The following NYAP2 variants were observed in gnomAD, a reference collection of about 807,000 sequenced individuals.
NYAP2 encodes the protein neuronal tyrosine-phosphorylated phosphoinositide-3-kinase adaptor 2.
In NYAP2, 23 loss-of-function variants were observed where a neutral mutation model predicts 50.4. That is an observed-to-expected ratio of 0.46 (90% CI 0.33 to 0.65). The LOEUF (loss-of-function observed/expected upper bound fraction) is 0.65, where lower values mean the gene tolerates loss of function less well. Ranked by LOEUF, NYAP2 falls within the 30% of genes least tolerant of loss-of-function variation. The pLI, the probability that NYAP2 is intolerant of heterozygous loss-of-function variation, is 0.02. For synonymous variants in NYAP2, 394 were observed against 365.2 expected (o/e 1.08, Z -0.90); for missense variants, 885 against 861.0 (o/e 1.03, Z -0.35).
chr2:225,651,838 G>A (rs1010503687), exon 7 of NYAP2: 2 of 319,408 alleles, frequency 6.3e-6, no homozygotes, highest in Non-Finnish European at 5.7e-6. Flanking sequence ...TATATGTATT[G>A]GCTTAGTGGT....
At chr2:225,526,180 AT>A (rs1275850854) in intron 4 of NYAP2, among the ~76,000 whole-genome samples, 1 of 152,230 alleles carries the variant, frequency 6.6e-6, no homozygotes, top group African/African-American at 2.4e-5. Flanking sequence ...CAGACATCTG[AT>A]CTACAGAAGT....
intron 6 of NYAP2, 75 bp downstream of exon 6, chr2:225,627,201 A>T: frequency 9.1e-7 from 1 of 1,095,874 alleles, no homozygotes; most frequent in Non-Finnish European, 1.4e-6. Context: ...TATCACTTAC[A>T]GAATTATCAC....
intron 3 of NYAP2, among the ~76,000 whole-genome samples, chr2:225,415,100 G>A (rs1255549788): frequency 1.3e-5 from 2 of 152,098 alleles, no homozygotes; most frequent in African/African-American, 2.4e-5. Context: ...GATTAGGAAT[G>A]TCTCTGTTCC....
chr2:225,655,393 C>A (rs1186367803), downstream of NYAP2, among the ~76,000 whole-genome samples: 2 of 152,118 alleles, frequency 1.3e-5, no homozygotes, highest in African/African-American at 2.4e-5. Flanking sequence ...AATGCAGCCA[C>A]GTTTCTGCAT....
At chr2:225,594,889 G>T (rs951322607) in intron 5 of NYAP2, among the ~76,000 whole-genome samples, 2 of 152,148 alleles carry the variant, frequency 1.3e-5, no homozygotes, top group Non-Finnish European at 2.9e-5. Flanking sequence ...CTGGGCTATT[G>T]CTATTTCCAA....
chr2:225,418,502 G>C (rs894176892), intron 3 of NYAP2, among the ~76,000 whole-genome samples: 1 of 152,148 alleles, frequency 6.6e-6, no homozygotes, highest in Admixed American at 6.5e-5. Flanking sequence ...TGCTGGAATC[G>C]TAGTTACACT....
intron 4 of NYAP2, among the ~76,000 whole-genome samples, chr2:225,515,496 A>G (rs2106187035): frequency 6.6e-6 from 1 of 151,348 alleles, no homozygotes; most frequent in East Asian, 1.9e-4. Context: ...TGTGTGTATA[A>G]CTGTTATTCC....
rs1475384866 is a variant in NYAP2, at chr2:225,582,112, G to A, written c.695G>A (p.Gly232Asp). The A allele has an allele frequency of 2.5e-6, 4 of 1,614,010 alleles. No individual in the cohort carries two copies. The highest frequency in any genetic ancestry group is 1.3e-5 in the African/African-American group (1 of 75,058). Reference sequence around the variant, plus strand: ...CGGGACTCCTCCTTGTCCCAGATGGGCAGCCCCGCGGGAGACCCCGAGGAA... The same window carrying A: ...CGGGACTCCTCCTTGTCCCAGATGGACAGCCCCGCGGGAGACCCCGAGGAA... Residue 232 changes from glycine to aspartate, a missense_variant, in exon 5 of 7, where the codon GGC becomes GAC. Physicochemically the swap from Gly to Asp is moderately conservative, Grantham distance 94. Coordinates refer to ENST00000636099, the Ensembl canonical transcript of NYAP2. The surrounding 1 kb of genome is among the most constrained non-coding windows in gnomAD (Gnocchi z 7.0).
chr2:225,537,518 A>T (rs1277896539), intron 4 of NYAP2, among the ~76,000 whole-genome samples: 1 of 152,124 alleles, frequency 6.6e-6, no homozygotes, highest in African/African-American at 2.4e-5. Flanking sequence ...TCCCCCTTAT[A>T]ATAACCATCA....
rs187298749 is a variant in NYAP2 at position 225,645,963 on chromosome 2, A to G, written c.1829-5469A>G. 3.0e-3 allele frequency among the ~76,000 whole-genome samples: 462 copies of G among 152,328 alleles called. 1 individual carries two copies. The highest frequency in any genetic ancestry group is 5.1e-3 in the Non-Finnish European group (350 of 68,034). ...TCTAGAATTTTCAGGATTGCTTCAG[A>G]TAATTCTTTTGGTCAAGTTAGTTGA... On this transcript the variant is annotated intron_variant, in intron 6 of 6. Coordinates refer to ENST00000636099, the Ensembl canonical transcript of NYAP2.
chr2:225,665,806 C>CAA, the NYAP2 span, among the ~76,000 whole-genome samples: 14 of 4,434 alleles, frequency 3.2e-3, no homozygotes, highest in Admixed American at 0.013. Flanking sequence ...AAGCCTCCGT[C>CAA]TAAAAAAAAA....
chr2:225,483,768 G>A (rs968155392), intron 3 of NYAP2, among the ~76,000 whole-genome samples: 1 of 152,136 alleles, frequency 6.6e-6, no homozygotes, highest in Non-Finnish European at 1.5e-5. Context: ...TGATATAATT[G>A]CTAAATGAGA....
At chr2:225,660,527 C>A in the NYAP2 span, among the ~76,000 whole-genome samples, 1 of 148,358 alleles carries the variant, frequency 6.7e-6, no homozygotes, top group African/African-American at 2.5e-5. Flanking sequence ...TTAATGCCTG[C>A]AACCATTCAC....
intron 5 of NYAP2, among the ~76,000 whole-genome samples, chr2:225,622,541 C>G (rs1362089617): frequency 3.1e-5 from 2 of 64,680 alleles, no homozygotes; most frequent in African/African-American, 6.8e-5. Flanking sequence ...TTCTTTCTTT[C>G]TTTCTTTCTT....
chr2:225,527,881 A>T (rs1691181445), intron 4 of NYAP2, among the ~76,000 whole-genome samples: 2 of 152,158 alleles, frequency 1.3e-5, no homozygotes, highest in South Asian at 4.1e-4. Flanking sequence ...CTCCTGACTC[A>T]AATGATCCTC....
intron 4 of NYAP2, among the ~76,000 whole-genome samples, chr2:225,549,199 A>G (rs1163604596): frequency 1.3e-5 from 2 of 152,166 alleles, no homozygotes; most frequent in African/African-American, 2.4e-5. Flanking sequence ...GCTATTTGAA[A>G]TAGTTTTCTC....
chr2:225,571,186 G>A (rs1169549603), intron 4 of NYAP2, among the ~76,000 whole-genome samples: 2 of 152,240 alleles, frequency 1.3e-5, no homozygotes, highest in African/African-American at 4.8e-5. Flanking sequence ...TCACAGGCTG[G>A]TGTTGAGTGT....
downstream of NYAP2, among the ~76,000 whole-genome samples, chr2:225,655,513 T>G (rs1693806922): frequency 6.6e-6 from 1 of 152,206 alleles, no homozygotes; most frequent in Non-Finnish European, 1.5e-5. Context: ...AGTCATGTAT[T>G]ATACTTGGAG....
intron 3 of NYAP2, among the ~76,000 whole-genome samples, chr2:225,429,817 T>C (rs1315506275): frequency 6.6e-6 from 1 of 152,216 alleles, no homozygotes; most frequent in Non-Finnish European, 1.5e-5. Context: ...GCATCTATGA[T>C]AGAGCAGCAT....
Sources: gnomAD v4.1 joint callset for allele counts (sites outside exome capture counted in the v4.1 genomes callset) on GRCh38, gnomAD v4.1.1 for gene constraint, Gnocchi (gnomAD v3.1) non-coding constraint, MANE v1.5 for transcripts, NCBI Gene and HGNC (gene_info 2026-07-23, HGNC 2026-07-21) for gene names.